PIK3CD: variants seen among roughly 807,000 people sequenced by gnomAD.
The protein encoded by PIK3CD is phosphatidylinositol-4,5-bisphosphate 3-kinase catalytic subunit delta.
PIK3CD carries 20 observed loss-of-function variants against 122.9 expected under a neutral mutation model. The observed-to-expected ratio is 0.16, with a 90% CI of 0.11 to 0.24. The LOEUF (loss-of-function observed/expected upper bound fraction) is 0.24, where lower values mean the gene tolerates loss of function less well. PIK3CD is among the 10% of genes least tolerant of loss of function. The pLI is 1.00. For missense variants in PIK3CD, 787 were observed against 1,406.3 expected, an observed-to-expected ratio of 0.56 and a Z score of 7.04; for synonymous variants, 596 against 593.4, an observed-to-expected ratio of 1.00 and a Z score of -0.06.
intron 2 of PIK3CD, among the ~76,000 whole-genome samples, chr1:9,694,466 G>A (rs1646325382): frequency 6.6e-6 from 1 of 152,064 alleles, no homozygotes; most frequent in South Asian, 2.1e-4. Context: ...CCTGGGAGGT[G>A]GAGGTTGCGG....
upstream of PIK3CD, among the ~76,000 whole-genome samples, chr1:9,649,276 G>T (rs74457793): frequency 6.6e-6 from 1 of 150,972 alleles, no homozygotes; most frequent in Non-Finnish European, 1.5e-5. Context: ...CATCACCCAG[G>T]CTGGAGTGCA....
chr1:9,719,899 C>T lies in PIK3CD; in HGVS notation c.1243-22C>T, dbSNP rs1199172349. The T allele has an allele frequency of 6.2e-7, 1 of 1,604,912 alleles. No homozygotes were observed. The highest frequency in any genetic ancestry group is 1.1e-5 in the South Asian group (1 of 90,870). On this transcript the variant is annotated intron_variant, in intron 9 of 23. Transcript: ENST00000377346. The surrounding 1 kb of genome is among the most constrained non-coding windows in gnomAD (Gnocchi z 5.5). ...CTGGAGGCCCCTGAGTGGCTGTCCTCACCTGCCCTGTCCTTCTGCAGGACT... is the reference window on the plus strand; with the variant it reads ...CTGGAGGCCCCTGAGTGGCTGTCCTTACCTGCCCTGTCCTTCTGCAGGACT...
At chr1:9,630,636 G>C in the PIK3CD span, among the ~76,000 whole-genome samples, 16 of 152,318 alleles carry the variant, frequency 1.1e-4, no homozygotes, top group African/African-American at 3.9e-4. Flanking sequence ...GGGCCCCTTC[G>C]GGCAAGGGGG....
intron 1 of PIK3CD, among the ~76,000 whole-genome samples, chr1:9,676,014 C>T (rs927473629): frequency 2.0e-5 from 3 of 151,718 alleles, no homozygotes; most frequent in Admixed American, 1.3e-4. Context: ...CCACTGCAAC[C>T]TCTACCTCCC....
intron 2 of PIK3CD, among the ~76,000 whole-genome samples, chr1:9,703,082 CTT>C (rs1646707433): frequency 6.6e-6 from 1 of 152,174 alleles, no homozygotes; most frequent in Non-Finnish European, 1.5e-5. Flanking sequence ...GTGTTGGTCT[CTT>C]CTCAAGTTCT....
At chr1:9,669,672 G>A (rs1400977283) in intron 1 of PIK3CD, among the ~76,000 whole-genome samples, 1 of 152,102 alleles carries the variant, frequency 6.6e-6, no homozygotes, top group African/African-American at 2.4e-5. Flanking sequence ...GGGGGCTTCA[G>A]GGAGCCTTAA....
chr1:9,717,577 G>A lies in PIK3CD; in HGVS notation c.971G>A (p.Arg324His), dbSNP rs773473376. ...CTGTGGTCCCTGGAGCAGCCGTTCC[G>A]CATCGAGCTCATCCAGGGCAGCAAA... Reference protein sequence around the residue: ...VSLWSLEQPFRIELIQGSKVN... With the variant: ...VSLWSLEQPFHIELIQGSKVN... Residue 324 changes from arginine (R) to histidine (H), a missense_variant, in exon 8 of 24, where the codon CGC (arginine) becomes CAC (histidine). Physicochemically the swap from Arg to His is conservative, Grantham distance 29. Around this residue, in one of 6 missense-constraint regions of PIK3CD, gnomAD observed 592 missense variants for 920.6 expected, o/e 0.64. Transcript: ENST00000377346. This position sits in a 1 kb window ranked among gnomAD's most constrained non-coding sequence, Gnocchi z 5.4. The A allele has an allele frequency of 1.4e-5, 22 of 1,613,994 alleles. No homozygotes were observed. Among genetic ancestry groups the A allele is most frequent in the South Asian group, 5.5e-5 (5 of 91,086 alleles).
At chr1:9,655,697 CTTTTT>C (rs576002642) in intron 1 of PIK3CD, among the ~76,000 whole-genome samples, 1 of 120,760 alleles carries the variant, frequency 8.3e-6, no homozygotes. Flanking sequence ...CTTTTTTCTT[CTTTTT>C]TTTTTTTTTT....
intron 1 of PIK3CD, among the ~76,000 whole-genome samples, chr1:9,659,113 T>C (rs1335902816): frequency 6.6e-6 from 1 of 151,786 alleles, no homozygotes; most frequent in African/African-American, 2.4e-5. Context: ...GTTGTAATTA[T>C]GAGAACACAT....
Position 9,721,219 on chromosome 1 carries a change from C to T in PIK3CD, c.1782C>T (p.Ser594=). Reference sequence around the variant, plus strand: ...GCTTCCCCGATTGCCACGTAGGCTCCTTCGCCATCAAGTCGCTGCGGAAAC... The same window carrying T: ...GCTTCCCCGATTGCCACGTAGGCTCTTTCGCCATCAAGTCGCTGCGGAAAC... ...DFSFPDCHVG[S]FAIKSLRKLT... Residue 594 remains serine, a synonymous_variant, in exon 14 of 24, where the codon TCC becomes TCT. Transcript: ENST00000377346. 6.2e-7 allele frequency: 1 copy of T among 1,613,490 alleles called. No individual in the cohort carries two copies. The highest frequency in any genetic ancestry group is 1.1e-5 in the South Asian group (1 of 91,088).
At chr1:9,678,959 T>C (rs1231234515) in intron 1 of PIK3CD, among the ~76,000 whole-genome samples, 2 of 152,058 alleles carry the variant, frequency 1.3e-5, no homozygotes, top group Non-Finnish European at 2.9e-5. Context: ...CTTTGGGGCA[T>C]GTGTAAGGCC....
chr1:9,675,013 G>A (rs1308014212), intron 1 of PIK3CD, among the ~76,000 whole-genome samples: 1 of 142,358 alleles, frequency 7.0e-6, no homozygotes, highest in Non-Finnish European at 1.5e-5. Flanking sequence ...TCTAGCCTGG[G>A]CAATGTAAAA....
At chr1:9,690,875 A>T (rs898441969) in intron 1 of PIK3CD, among the ~76,000 whole-genome samples, 5 of 152,092 alleles carry the variant, frequency 3.3e-5, no homozygotes, top group African/African-American at 1.2e-4. Context: ...GGGTCTTTAG[A>T]CTGGGCTGGA....
In PIK3CD at chr1:9,707,431, T is replaced by TG. The variant is rs1242551028; in HGVS notation, c.-32-2988dup. ...TTGTTATATAGGTAAACTTGTGTCG[T>TG]GGGGGTTTGTCATACAGATTATGTC... On this transcript the variant is annotated intron_variant, in intron 2 of 23. Transcript: ENST00000377346. Among the ~76,000 whole-genome samples, 6 of 151,740 alleles carry TG rather than the reference T, an allele frequency of 4.0e-5. No individual in the cohort carries two copies. The East Asian group carries it at 1.2e-3, about 29-fold the overall frequency.
intron 1 of PIK3CD, among the ~76,000 whole-genome samples, chr1:9,683,085 A>C: frequency 1.6e-5 from 2 of 127,586 alleles, no homozygotes; most frequent in Admixed American, 1.8e-4. Context: ...AGATGGCACC[A>C]CTGCATGCCA....
chr1:9,724,662 G>A lies in PIK3CD; in HGVS notation c.2865-142G>A. On this transcript the variant is annotated intron_variant, in intron 22 of 23. Coordinates refer to ENST00000377346, the MANE Select transcript of PIK3CD (RefSeq NM_005026.5). The surrounding 1 kb of genome is among the most constrained non-coding windows in gnomAD (Gnocchi z 7.3). ...CTGGCTGGGGCACGGGGGTCAGTTA[G>A]CAGAACTGGAGGCCTTGTGTCCACC... 8.4e-7 allele frequency: 1 copy of A among 1,194,732 alleles called. No individual in the cohort carries two copies. The highest frequency in any genetic ancestry group is 1.2e-6 in the Non-Finnish European group (1 of 804,550). 74.0% of individuals were successfully genotyped at this position (1,194,732 alleles called of 1,614,324 possible). A position where few individuals can be genotyped will look rare whatever the true frequency, so the allele number is the denominator to read the frequency against.
chr1:9,697,063 CAAA>C (rs60416744), intron 2 of PIK3CD, among the ~76,000 whole-genome samples: 10 of 76,942 alleles, frequency 1.3e-4, no homozygotes, highest in Admixed American at 1.2e-4. Context: ...GATCCTGTCT[CAAA>C]AAAAAAAAAA....
At chr1:9,648,895 G>C (rs2100652242), upstream of PIK3CD, among the ~76,000 whole-genome samples, 1 of 152,260 alleles carries the variant, frequency 6.6e-6, no homozygotes, top group East Asian at 1.9e-4. Context: ...CGAGGCCTGA[G>C]TGTGAGACCA....
intron 1 of PIK3CD, among the ~76,000 whole-genome samples, chr1:9,659,518 C>A (rs1305863620): frequency 6.6e-6 from 1 of 152,116 alleles, no homozygotes; most frequent in African/African-American, 2.4e-5. Flanking sequence ...AATTGAAATT[C>A]TTTTCCCCTT....
Sources: allele counts gnomAD v4.1 joint callset (sites outside exome capture counted in the v4.1 genomes callset), GRCh38; gene constraint gnomAD v4.1.1; regional missense constraint gnomAD v4.1.1; non-coding constraint Gnocchi (gnomAD v3.1); transcripts MANE v1.5; gene names NCBI Gene and HGNC (gene_info 2026-07-23, HGNC 2026-07-21).